CADPS2: variants seen among roughly 807,000 people sequenced by gnomAD.
CADPS2 encodes calcium dependent secretion activator 2, also known as calcium-dependent secretion activator 2.
Under a neutral mutation model 172.5 loss-of-function variants are expected in CADPS2, and 93 were observed. That is an observed-to-expected ratio of 0.54 (90% CI 0.46 to 0.64). CADPS2 has a LOEUF of 0.64. Ranked by LOEUF, CADPS2 falls within the 30% of genes least tolerant of loss-of-function variation. The pLI is 0.00. For missense variants in CADPS2, 1,420 were observed against 1,565.9 expected, an observed-to-expected ratio of 0.91 and a Z score of 1.57; for synonymous variants, 546 against 555.2, an observed-to-expected ratio of 0.98 and a Z score of 0.23.
chr7:122,346,184 T>A (rs978128501), intron 27 of CADPS2, among the ~76,000 whole-genome samples: 2 of 151,942 alleles, frequency 1.3e-5, no homozygotes, highest in Admixed American at 1.3e-4. Flanking sequence ...CTGGTCAACA[T>A]GATGAAACCT....
At chr7:122,617,622 T>G (rs2075071262) in intron 5 of CADPS2, among the ~76,000 whole-genome samples, 1 of 152,182 alleles carries the variant, frequency 6.6e-6, no homozygotes, top group Non-Finnish European at 1.5e-5. Context: ...AGGAGACATT[T>G]AAGCATGTGT....
At chr7:122,702,242 C>G in intron 2 of CADPS2, 1 of 1,613,872 alleles carries the variant, frequency 6.2e-7, no homozygotes, top group Admixed American at 1.7e-5. Flanking sequence ...CACATAGACT[C>G]CTTTCTGAAT....
chr7:122,700,199 T>C (rs2085808339), intron 2 of CADPS2, among the ~76,000 whole-genome samples: 1 of 152,172 alleles, frequency 6.6e-6, no homozygotes, highest in African/African-American at 2.4e-5. Context: ...GATTCTGACC[T>C]TGAACATGAA....
At chr7:122,859,613 A>C (rs1816364555) in intron 1 of CADPS2, among the ~76,000 whole-genome samples, 2 of 152,138 alleles carry the variant, frequency 1.3e-5, no homozygotes, top group Non-Finnish European at 2.9e-5. Context: ...ATATGACTAC[A>C]CTATTATAGT....
intron 12 of CADPS2, chr7:122,480,078 A>G (rs1227389650): frequency 7.7e-5 from 36 of 470,306 alleles, no homozygotes; most frequent in Non-Finnish European, 4.4e-6. Context: ...AATGTCCATC[A>G]ATCTGGCAAC....
At chr7:122,659,053 A>G (rs1188007272) in intron 3 of CADPS2, among the ~76,000 whole-genome samples, 7 of 152,066 alleles carry the variant, frequency 4.6e-5, no homozygotes, top group African/African-American at 1.7e-4. Context: ...ATTACCTAAT[A>G]TATCTGGCTT....
intron 4 of CADPS2, among the ~76,000 whole-genome samples, chr7:122,623,182 T>A (rs1428297925): frequency 6.8e-6 from 1 of 147,936 alleles, no homozygotes; most frequent in African/African-American, 2.5e-5. Context: ...CAAATTTGTA[T>A]CCTTAAGAAA....
intron 7 of CADPS2, among the ~76,000 whole-genome samples, chr7:122,567,321 C>T (rs2066597721): frequency 6.6e-6 from 1 of 152,046 alleles, no homozygotes; most frequent in African/African-American, 2.4e-5. Context: ...TCTACTCTCC[C>T]ATCACTAGAT....
At chr7:122,360,886 C>T (rs1371314266) in intron 26 of CADPS2, 44 bp downstream of exon 26, 3 of 1,602,090 alleles carry the variant, frequency 1.9e-6, no homozygotes, top group Admixed American at 1.7e-5. Flanking sequence ...AGTACTATGA[C>T]AACAGTTAAA....
intron 28 of CADPS2, among the ~76,000 whole-genome samples, chr7:122,331,336 G>T (rs2034912577): frequency 6.6e-6 from 1 of 152,088 alleles, no homozygotes; most frequent in Admixed American, 6.6e-5. Flanking sequence ...TCCTTCATAA[G>T]AAGTTCAAGT....
intron 7 of CADPS2, among the ~76,000 whole-genome samples, chr7:122,566,813 T>C (rs970715754): frequency 2.6e-5 from 4 of 152,188 alleles, no homozygotes; most frequent in Non-Finnish European, 4.4e-5. Context: ...TAACTTTGCA[T>C]AGGAGAAATG....
At chr7:122,416,481 C>T (rs2047935396) in intron 17 of CADPS2, among the ~76,000 whole-genome samples, 1 of 152,112 alleles carries the variant, frequency 6.6e-6, no homozygotes, top group Admixed American at 6.5e-5. Flanking sequence ...GAGCAGATAC[C>T]ACAGTCTTTT....
intron 7 of CADPS2, among the ~76,000 whole-genome samples, chr7:122,580,923 G>A (rs969398691): frequency 6.6e-5 from 10 of 152,128 alleles, no homozygotes; most frequent in Admixed American, 5.2e-4. Context: ...GAGCACATGT[G>A]TGAGAATGAC....
At chr7:122,350,411 A>G (rs2038367194) in intron 27 of CADPS2, among the ~76,000 whole-genome samples, 1 of 152,206 alleles carries the variant, frequency 6.6e-6, no homozygotes, top group Non-Finnish European at 1.5e-5. Context: ...TCTGGCATTT[A>G]TCAATTTCTG....
At chr7:122,645,453 ATG>A (rs1563949645) in intron 3 of CADPS2, among the ~76,000 whole-genome samples, 1 of 87,068 alleles carries the variant, frequency 1.1e-5, no homozygotes, top group Non-Finnish European at 2.5e-5. Flanking sequence ...ACACACACAT[ATG>A]TATATATGTG....
chr7:122,412,429 T>C (rs1387502060), intron 19 of CADPS2, among the ~76,000 whole-genome samples: 2 of 152,168 alleles, frequency 1.3e-5, no homozygotes, highest in Non-Finnish European at 2.9e-5. Flanking sequence ...TCTCTTTACA[T>C]TAGAATCCAA....
chr7:122,467,778 C>T (rs1163654678), intron 14 of CADPS2, among the ~76,000 whole-genome samples: 1 of 152,184 alleles, frequency 6.6e-6, no homozygotes, highest in Non-Finnish European at 1.5e-5. Context: ...TATAACCACA[C>T]ATATCAACCT....
At chr7:122,564,847 G>GCGCA (rs1554626210) in intron 7 of CADPS2, among the ~76,000 whole-genome samples, 26 of 145,520 alleles carry the variant, frequency 1.8e-4, no homozygotes, top group East Asian at 1.4e-3. Flanking sequence ...ACACACACAT[G>GCGCA]CACACACACA....
At chr7:122,709,300 GA>G (rs1489654121) in intron 2 of CADPS2, among the ~76,000 whole-genome samples, 1 of 152,042 alleles carries the variant, frequency 6.6e-6, no homozygotes, top group Admixed American at 6.6e-5. Context: ...AAAGACACAT[GA>G]AAAAATGCTC....
Sources: gnomAD v4.1 joint callset for allele counts (sites outside exome capture counted in the v4.1 genomes callset) on GRCh38, gnomAD v4.1.1 for gene constraint, MANE v1.5 for transcripts, NCBI Gene and HGNC (gene_info 2026-07-23, HGNC 2026-07-21) for gene names.